CRYL1: variants seen among roughly 807,000 people sequenced by gnomAD.
CRYL1 encodes the protein lambda-crystallin homolog.
A neutral mutation model predicts 36.6 loss-of-function variants in CRYL1; 29 were observed. The ratio of observed to expected loss-of-function variants is 0.79; its 90% CI spans 0.59 to 1.08. CRYL1 has a LOEUF of 1.08. CRYL1 is among the 50% of genes least tolerant of loss of function. CRYL1 has a pLI of 0.00. For synonymous variants in CRYL1, 152 were observed against 151.5 expected (o/e 1.00, Z -0.02); for missense variants, 411 against 407.9 (o/e 1.01, Z -0.06).
At chr13:20,490,769 G>A (rs1055862991) in intron 2 of CRYL1, among the ~76,000 whole-genome samples, 3 of 152,142 alleles carry the variant, frequency 2.0e-5, no homozygotes, top group Non-Finnish European at 2.9e-5. Context: ...TAGGCTTCGG[G>A]GCATGTGGTC....
chr13:20,416,364 A>C (rs1051666801), intron 5 of CRYL1, among the ~76,000 whole-genome samples: 3 of 152,164 alleles, frequency 2.0e-5, no homozygotes, highest in Non-Finnish European at 4.4e-5. Flanking sequence ...GGCCCACAGA[A>C]ACTCCCGGAA....
intron 3 of CRYL1, among the ~76,000 whole-genome samples, chr13:20,463,157 G>T (rs547885384): frequency 1.3e-5 from 2 of 152,108 alleles, no homozygotes; most frequent in African/African-American, 4.8e-5. Context: ...CCTGCGTGTC[G>T]CACCTACCAG....
intron 5 of CRYL1, among the ~76,000 whole-genome samples, chr13:20,423,419 C>T (rs1308102137): frequency 6.6e-6 from 1 of 152,126 alleles, no homozygotes; most frequent in African/African-American, 2.4e-5. Flanking sequence ...TGACCTTTAT[C>T]GTGTTGAGGA....
At chr13:20,510,916 A>G (rs535733751) in intron 2 of CRYL1, among the ~76,000 whole-genome samples, 7 of 152,294 alleles carry the variant, frequency 4.6e-5, no homozygotes, top group Non-Finnish European at 1.0e-4. Context: ...TGGCAAAAAA[A>G]AAGACTGTGT....
At chr13:20,508,116 C>T (rs1234840474) in intron 2 of CRYL1, among the ~76,000 whole-genome samples, 1 of 152,036 alleles carries the variant, frequency 6.6e-6, no homozygotes, top group African/African-American at 2.4e-5. Context: ...CTAATCCCAG[C>T]TACTTGGGAG....
chr13:20,439,776 G>A (rs2032315280), intron 3 of CRYL1, 22 bp from the exon 4 acceptor site: 5 of 1,608,924 alleles, frequency 3.1e-6, no homozygotes, highest in Non-Finnish European at 2.6e-6. Context: ...ACGTTTAAAT[G>A]ACTATTCATG....
intron 3 of CRYL1, among the ~76,000 whole-genome samples, chr13:20,485,842 CTTAGA>C (rs1407371064): frequency 1.3e-5 from 2 of 152,166 alleles, no homozygotes; most frequent in Admixed American, 1.3e-4. Context: ...CTAATCAGGA[CTTAGA>C]TTGAAATCCA....
Position 20,450,917 on chromosome 13 carries a change from T to C in CRYL1, c.277-11163A>G, listed in dbSNP as rs898451048. Among the ~76,000 whole-genome samples, 3 of 152,168 alleles carry C rather than the reference T, an allele frequency of 2.0e-5. No homozygotes were observed. The South Asian group carries it at 6.2e-4, about 32-fold the overall frequency. On this transcript the variant is annotated intron_variant, in intron 3 of 7. Coordinates refer to ENST00000298248, the MANE Select transcript of CRYL1 (RefSeq NM_015974.3). Reference sequence around the variant, plus strand: ...TGAGTTCATGTCCTTTGTAGGGACATGGATGAAGCTGGAAACCATCATTCT... The same window carrying C: ...TGAGTTCATGTCCTTTGTAGGGACACGGATGAAGCTGGAAACCATCATTCT...
Position 20,413,441 on chromosome 13 carries a change from G to A in CRYL1, c.634-54C>T, listed in dbSNP as rs560097700. On this transcript the variant is annotated intron_variant, in intron 5 of 7. Coordinates refer to ENST00000298248, the MANE Select transcript of CRYL1 (RefSeq NM_015974.3). ...GAGTTTTGTAAAAAGACAATTTCAT[G>A]ACCACCACTTCCATCCTAACTTCTT... 5.4e-6 allele frequency: 6 copies of A among 1,104,744 alleles called. No individual in the cohort carries two copies. In the East Asian group the frequency reaches 7.1e-5, roughly 13 times the overall value. 68.4% of individuals were successfully genotyped at this position (1,104,744 alleles called of 1,614,324 possible). A position where few individuals can be genotyped will look rare whatever the true frequency, so the allele number is the denominator to read the frequency against.
chr13:20,458,552 T>G (rs2032735509), intron 3 of CRYL1, among the ~76,000 whole-genome samples: 1 of 152,240 alleles, frequency 6.6e-6, no homozygotes, highest in African/African-American at 2.4e-5. Context: ...TAATAACATT[T>G]TATTTAACTC....
chr13:20,492,905 A>G (rs2033537482), intron 2 of CRYL1, among the ~76,000 whole-genome samples: 1 of 152,176 alleles, frequency 6.6e-6, no homozygotes, highest in South Asian at 2.1e-4. Context: ...CACAGGTAGT[A>G]TGAATTTGAG....
rs952325923 is a variant in CRYL1, at chr13:20,525,649, G to A, written c.41+105C>T. On this transcript the variant is annotated intron_variant, in intron 1 of 7. Transcript: ENST00000298248. The surrounding 1 kb of genome is among the most constrained non-coding windows in gnomAD (Gnocchi z 4.3). ...GCTTCGGAGGACCGGAGGCCGGGGC[G>A]GGGACAGCGACCCGGCGCCCACCCC... 4 of 948,382 alleles carry A rather than the reference G, an allele frequency of 4.2e-6. No individual in the cohort carries two copies. Among genetic ancestry groups the A allele is most frequent in the Non-Finnish European group, 5.5e-6 (4 of 724,032 alleles). The allele number at this position is 948,382 out of a possible 1,614,324, so 58.7% of individuals were successfully genotyped here.
rs141075684 is a variant in CRYL1, at chr13:20,490,793, G to A, written c.150-1297C>T. Among the ~76,000 whole-genome samples the A allele has an allele frequency of 2.6e-4, 39 of 152,228 alleles. No individual in the cohort carries two copies. In the East Asian group the frequency reaches 7.1e-3, roughly 28 times the overall value. On this transcript the variant is annotated intron_variant, in intron 2 of 7. Transcript: ENST00000298248. The stretch of plus-strand genomic sequence containing the variant: ...GGGCATGTGGTCTGTGCGGTCACCC[G>A]GGCCACCATGCTCAGAAGGGCCTGT...
At chr13:20,518,311 T>G (rs2034038164) in intron 1 of CRYL1, among the ~76,000 whole-genome samples, 1 of 152,078 alleles carries the variant, frequency 6.6e-6, no homozygotes, top group African/African-American at 2.4e-5. Flanking sequence ...CAGAGAAATG[T>G]TAAAAGCGCC....
intron 3 of CRYL1, among the ~76,000 whole-genome samples, chr13:20,479,065 T>C (rs568438259): frequency 6.6e-6 from 1 of 152,186 alleles, no homozygotes; most frequent in African/African-American, 2.4e-5. Flanking sequence ...GGATTACAGG[T>C]GTGAGCCACC....
At chr13:20,460,577 G>C (rs368538429) in intron 3 of CRYL1, among the ~76,000 whole-genome samples, 5 of 137,986 alleles carry the variant, frequency 3.6e-5, no homozygotes, top group Admixed American at 7.5e-5. Context: ...CCAGGCTGGA[G>C]TGCAGTGGCG....
rs1385403768 is a variant in CRYL1 at position 20,430,613 on chromosome 13, G to GA, written c.633+1488dup. ...AGAGTCCTCCATGGCTCTTGCAATG[G>GA]AGAGTTCTTTGTGTACACCTCCCAC... On this transcript the variant is annotated intron_variant, in intron 5 of 7. Coordinates refer to ENST00000298248, the MANE Select transcript of CRYL1 (RefSeq NM_015974.3). 3.0e-6 allele frequency: 3 copies of GA among 985,346 alleles called. No homozygotes were observed. The East Asian group carries it at 3.4e-4, about 112-fold the overall frequency. 61.0% of individuals were successfully genotyped at this position (985,346 alleles called of 1,614,324 possible).
At chr13:20,486,764 T>C (rs575849193) in intron 3 of CRYL1, among the ~76,000 whole-genome samples, 1 of 152,276 alleles carries the variant, frequency 6.6e-6, no homozygotes, top group South Asian at 2.1e-4. Context: ...TAGACTGTAG[T>C]TAAAGAGCAG....
Position 20,425,099 on chromosome 13 carries a change from G to A in CRYL1, c.633+7003C>T, listed in dbSNP as rs192638699. Among the ~76,000 whole-genome samples the A allele has an allele frequency of 3.3e-5, 5 of 152,208 alleles. No individual in the cohort carries two copies. The highest frequency in any genetic ancestry group is 3.9e-4 in the East Asian group (2 of 5,176). On this transcript the variant is annotated intron_variant, in intron 5 of 7. Transcript: ENST00000298248. The surrounding 1 kb of genome is among the most constrained non-coding windows in gnomAD (Gnocchi z 4.4). ...TACTCAAGCCTCAACATTTTCCCCC[G>A]GACACATTCCAGGTGCACCACAGTC...
Sources: allele counts gnomAD v4.1 joint callset (sites outside exome capture counted in the v4.1 genomes callset), GRCh38; gene constraint gnomAD v4.1.1; non-coding constraint Gnocchi (gnomAD v3.1); transcripts MANE v1.5; gene names NCBI Gene and HGNC (gene_info 2026-07-23, HGNC 2026-07-21).